The following SRD5A2 variants were observed in gnomAD, a reference collection of about 807,000 sequenced individuals.
SRD5A2 encodes steroid 5 alpha-reductase 2.
SRD5A2 carries 30 observed loss-of-function variants against 27.4 expected under a neutral mutation model. The ratio of observed to expected loss-of-function variants is 1.10; its 90% CI spans 0.82 to 1.49. SRD5A2 has a LOEUF of 1.49. Among genes scored for constraint, SRD5A2 ranks in the 40% most tolerant of loss-of-function variants. The pLI is 0.00. For missense variants in SRD5A2, 348 were observed against 323.4 expected, an observed-to-expected ratio of 1.08 and a Z score of -0.58; for synonymous variants, 141 against 133.6, an observed-to-expected ratio of 1.06 and a Z score of -0.38.
the SRD5A2 span, among the ~76,000 whole-genome samples, chr2:31,588,743 C>G: frequency 6.6e-6 from 1 of 152,150 alleles, no homozygotes; most frequent in Middle Eastern, 3.2e-3. Flanking sequence ...CACAGAAAAA[C>G]ACTAAATATT....
upstream of SRD5A2, among the ~76,000 whole-genome samples, chr2:31,581,384 C>T (rs1299598503): frequency 6.6e-6 from 1 of 152,132 alleles, no homozygotes; most frequent in Non-Finnish European, 1.5e-5. Context: ...CATGCACTTT[C>T]ACTCCCTCAC....
chr2:31,588,983 C>G, the SRD5A2 span, among the ~76,000 whole-genome samples: 2 of 152,132 alleles, frequency 1.3e-5, no homozygotes, highest in African/African-American at 4.8e-5. Flanking sequence ...AAAGAATTCA[C>G]AGACCCTTTG....
chr2:31,629,751 C>T, the SRD5A2 span, among the ~76,000 whole-genome samples: 1 of 152,112 alleles, frequency 6.6e-6, no homozygotes, highest in Non-Finnish European at 1.5e-5. Context: ...TGCGTGCACC[C>T]CTAACTTTCT....
the SRD5A2 span, among the ~76,000 whole-genome samples, chr2:31,615,864 G>A: frequency 6.6e-6 from 1 of 152,206 alleles, no homozygotes; most frequent in East Asian, 1.9e-4. Context: ...CCTGCTGTGT[G>A]CAGCCTAGGG....
chr2:31,529,427 T>A lies in SRD5A2; in HGVS notation c.578A>T (p.Asn193Ile). The A allele has an allele frequency of 6.2e-7, 1 of 1,613,776 alleles. No homozygotes were observed. Among genetic ancestry groups the A allele is most frequent in the Non-Finnish European group, 8.5e-7 (1 of 1,179,772 alleles). ...GGLFTYVSGA[N>I]FLGEIIEWIG... ...CCATTCAATGATCTCACCGAGGAAA[T>A]TGGCTCCAGAAACATACGTAAACAA... The change falls in exon 4 of 5, where the codon AAT (asparagine) becomes ATT (isoleucine). Residue 193 changes from asparagine to isoleucine, a missense_variant. Physicochemically the swap from Asn to Ile is moderately radical, Grantham distance 149. Coordinates refer to ENST00000622030, the MANE Select transcript of SRD5A2 (RefSeq NM_000348.4).
the SRD5A2 span, among the ~76,000 whole-genome samples, chr2:31,616,700 T>C: frequency 1.3e-5 from 2 of 152,174 alleles, no homozygotes; most frequent in East Asian, 1.9e-4. Context: ...CTCATAGAGG[T>C]GAAAGGGACT....
intron 1 of SRD5A2, among the ~76,000 whole-genome samples, chr2:31,561,124 CT>C (rs1041625445): frequency 5.9e-5 from 9 of 152,068 alleles, no homozygotes; most frequent in African/African-American, 2.2e-4. Flanking sequence ...AAAATGAAGA[CT>C]CAGCACCTTT....
the SRD5A2 span, among the ~76,000 whole-genome samples, chr2:31,586,515 T>C: frequency 1.6e-4 from 25 of 152,250 alleles, no homozygotes; most frequent in African/African-American, 5.5e-4. Context: ...GGGTGCTGGT[T>C]TCACTCCACT....
the SRD5A2 span, among the ~76,000 whole-genome samples, chr2:31,660,002 TTTTTG>T: frequency 6.6e-6 from 1 of 152,106 alleles, no homozygotes; most frequent in Non-Finnish European, 1.5e-5. Flanking sequence ...CTCCAATGGT[TTTTTG>T]TTTTGTTTTC....
chr2:31,530,371 T>C (rs964807301), intron 3 of SRD5A2, among the ~76,000 whole-genome samples: 1 of 152,218 alleles, frequency 6.6e-6, no homozygotes, highest in Admixed American at 6.5e-5. Flanking sequence ...AGTTGAATCT[T>C]TCTTGAAGAT....
chr2:31,583,980 T>C (rs1314367316), upstream of SRD5A2, among the ~76,000 whole-genome samples: 1 of 152,026 alleles, frequency 6.6e-6, no homozygotes, highest in Non-Finnish European at 1.5e-5. Context: ...GTAATCAGGC[T>C]TAGGATTAGC....
chr2:31,605,430 C>T, the SRD5A2 span, among the ~76,000 whole-genome samples: 3 of 151,632 alleles, frequency 2.0e-5, no homozygotes, highest in African/African-American at 7.3e-5. Flanking sequence ...ATATAAGGAG[C>T]TCAAACAACT....
chr2:31,631,760 A>G, the SRD5A2 span, among the ~76,000 whole-genome samples: 5 of 152,206 alleles, frequency 3.3e-5, no homozygotes, highest in Non-Finnish European at 5.9e-5. Flanking sequence ...GATCTCTGTT[A>G]TCTCAGTCAG....
At chr2:31,623,493 T>C in the SRD5A2 span, among the ~76,000 whole-genome samples, 4 of 152,074 alleles carry the variant, frequency 2.6e-5, no homozygotes, top group Non-Finnish European at 5.9e-5. Context: ...TGGAGAGGTG[T>C]TGAGGTCATT....
chr2:31,549,419 G>C (rs62141235), intron 1 of SRD5A2, among the ~76,000 whole-genome samples: 3,432 of 152,060 alleles, frequency 0.023, 42 homozygotes, highest in Middle Eastern at 0.054. Flanking sequence ...TAGGTACAGA[G>C]TTTCAGTTTT....
the SRD5A2 span, among the ~76,000 whole-genome samples, chr2:31,630,972 T>G: frequency 1.3e-5 from 2 of 152,150 alleles, no homozygotes; most frequent in Non-Finnish European, 2.9e-5. Flanking sequence ...TGGAAGCAGT[T>G]AGGAGAATTG....
At chr2:31,659,418 C>T in the SRD5A2 span, among the ~76,000 whole-genome samples, 2 of 152,018 alleles carry the variant, frequency 1.3e-5, no homozygotes, top group East Asian at 3.9e-4. Flanking sequence ...AATATGATTT[C>T]ATACCTAGAA....
intron 1 of SRD5A2, among the ~76,000 whole-genome samples, chr2:31,578,407 C>A (rs1262862785): frequency 6.6e-6 from 1 of 152,080 alleles, no homozygotes; most frequent in Non-Finnish European, 1.5e-5. Flanking sequence ...TATTGTGTGA[C>A]CTTGGGCAAG....
upstream of SRD5A2, among the ~76,000 whole-genome samples, chr2:31,582,813 T>C (rs968505100): frequency 2.6e-5 from 4 of 152,198 alleles, no homozygotes; most frequent in African/African-American, 9.7e-5. Flanking sequence ...CTGTCCTCAA[T>C]TGCCATAGCC....
Sources: gnomAD v4.1 joint callset for allele counts (sites outside exome capture counted in the v4.1 genomes callset) on GRCh38, gnomAD v4.1.1 for gene constraint, MANE v1.5 for transcripts, NCBI Gene and HGNC (gene_info 2026-07-23, HGNC 2026-07-21) for gene names.